Variants in PTPRD observed in about 807,000 individuals in gnomAD.
The protein encoded by PTPRD is protein tyrosine phosphatase receptor type D, also known as receptor-type tyrosine-protein phosphatase delta.
Under a neutral mutation model 214.5 loss-of-function variants are expected in PTPRD, and 34 were observed. That is an observed-to-expected ratio of 0.16 (90% confidence interval 0.12 to 0.21). The LOEUF (loss-of-function observed/expected upper bound fraction) is 0.21. PTPRD is among the 10% of genes least tolerant of loss of function. The pLI, the probability that PTPRD is intolerant of heterozygous loss-of-function variation, is 1.00. For synonymous variants in PTPRD, 1,128 were observed against 845.7 expected (o/e 1.33, Z -5.79); for missense variants, 2,545 against 2,398.7 (o/e 1.06, Z -1.27).
chr9:9,774,410 T>C (rs1327083286), intron 5 of PTPRD, among the ~76,000 whole-genome samples: 2 of 152,158 alleles, frequency 1.3e-5, no homozygotes, highest in Admixed American at 6.5e-5. Context: ...ACACAGTGGA[T>C]AGGGTGATGA....
At chr9:10,527,898 A>G (rs2054811783) in intron 2 of PTPRD, among the ~76,000 whole-genome samples, 1 of 152,194 alleles carries the variant, frequency 6.6e-6, no homozygotes, top group Admixed American at 6.5e-5. Flanking sequence ...TGTGGCTTTC[A>G]AGTGAATTAC....
intron 5 of PTPRD, among the ~76,000 whole-genome samples, chr9:9,777,167 C>G (rs1283242889): frequency 6.6e-6 from 1 of 152,132 alleles, no homozygotes; most frequent in Non-Finnish European, 1.5e-5. Flanking sequence ...TACCTCTGGT[C>G]CTCAGATGTT....
chr9:9,795,669 T>C (rs542316205), intron 5 of PTPRD, among the ~76,000 whole-genome samples: 2 of 152,308 alleles, frequency 1.3e-5, no homozygotes, highest in East Asian at 1.9e-4. Context: ...TAGATTTGAT[T>C]AGTATTTCTT....
chr9:9,296,950 T>C (rs1953289022), intron 9 of PTPRD, among the ~76,000 whole-genome samples: 1 of 151,814 alleles, frequency 6.6e-6, no homozygotes, highest in Non-Finnish European at 1.5e-5. Flanking sequence ...TGTTAAGATC[T>C]GAAATCTGGG....
At chr9:8,340,841 T>G (rs1270018906) in intron 41 of PTPRD, among the ~76,000 whole-genome samples, 1 of 152,110 alleles carries the variant, frequency 6.6e-6, no homozygotes, top group Non-Finnish European at 1.5e-5. Context: ...ACAAAACAGA[T>G]TCTTTATTAA....
chr9:8,318,662 A>T (rs1824066690), intron 45 of PTPRD, among the ~76,000 whole-genome samples: 1 of 152,000 alleles, frequency 6.6e-6, no homozygotes, highest in South Asian at 2.1e-4. Context: ...CCACATCAAA[A>T]AATACCTGTA....
intron 5 of PTPRD, among the ~76,000 whole-genome samples, chr9:9,855,995 G>A: frequency 6.6e-6 from 1 of 152,196 alleles, no homozygotes; most frequent in East Asian, 1.9e-4. Flanking sequence ...CAGCATCCAG[G>A]AAAAATGAGA....
chr9:9,230,739 G>C (rs996519624), intron 9 of PTPRD, among the ~76,000 whole-genome samples: 2 of 152,074 alleles, frequency 1.3e-5, no homozygotes, highest in African/African-American at 4.8e-5. Flanking sequence ...GAGAAACAGT[G>C]TTTCTCCAGA....
chr9:10,010,936 G>C (rs1441815557), intron 4 of PTPRD, among the ~76,000 whole-genome samples: 1 of 151,790 alleles, frequency 6.6e-6, no homozygotes, highest in Non-Finnish European at 1.5e-5. Context: ...AGTGTTATCA[G>C]GAAAATTAGA....
chr9:9,967,473 A>G (rs2154032919), intron 4 of PTPRD, among the ~76,000 whole-genome samples: 1 of 152,308 alleles, frequency 6.6e-6, no homozygotes, highest in African/African-American at 2.4e-5. Context: ...GAGGGAAGGA[A>G]GAAAACATTT....
intron 20 of PTPRD, 146 bp downstream of exon 20, chr9:8,521,131 A>G: frequency 1.0e-6 from 1 of 981,776 alleles, no homozygotes; most frequent in Non-Finnish European, 1.5e-6. Context: ...CATGTTATAT[A>G]ATACCACAGA....
At chr9:9,684,143 G>C (rs1236920357) in intron 7 of PTPRD, among the ~76,000 whole-genome samples, 1 of 151,428 alleles carries the variant, frequency 6.6e-6, no homozygotes, top group East Asian at 1.9e-4. Context: ...GAACACATAA[G>C]ATCATATTAG....
chr9:9,949,224 T>C (rs903696818), intron 4 of PTPRD, among the ~76,000 whole-genome samples: 1 of 152,118 alleles, frequency 6.6e-6, no homozygotes, highest in Non-Finnish European at 1.5e-5. Context: ...TTTTATATTT[T>C]CCACAAAATG....
At chr9:8,589,895 A>G (rs1428666831) in intron 14 of PTPRD, among the ~76,000 whole-genome samples, 1 of 152,170 alleles carries the variant, frequency 6.6e-6, no homozygotes, top group Non-Finnish European at 1.5e-5. Context: ...ATATTTGCAA[A>G]TTTGGAAAAT....
chr9:8,684,930 A>T (rs1444763226), intron 12 of PTPRD, among the ~76,000 whole-genome samples: 1 of 152,186 alleles, frequency 6.6e-6, no homozygotes, highest in Non-Finnish European at 1.5e-5. Context: ...CTAGAGAGAG[A>T]AAAAACAGTG....
chr9:10,109,590 T>C (rs1376723803), intron 3 of PTPRD, among the ~76,000 whole-genome samples: 1 of 152,218 alleles, frequency 6.6e-6, no homozygotes, highest in Non-Finnish European at 1.5e-5. Flanking sequence ...TCAGATTTTC[T>C]ACTAAGGTGC....
intron 3 of PTPRD, among the ~76,000 whole-genome samples, chr9:10,208,559 G>C (rs1251729178): frequency 6.6e-6 from 1 of 152,144 alleles, no homozygotes; most frequent in Non-Finnish European, 1.5e-5. Flanking sequence ...CAGAAACTCT[G>C]AACACATAAA....
At chr9:8,520,683 G>T (rs879658987) in intron 20 of PTPRD, among the ~76,000 whole-genome samples, 8 of 151,842 alleles carry the variant, frequency 5.3e-5, no homozygotes, top group Non-Finnish European at 8.8e-5. Flanking sequence ...ATAGTACTTT[G>T]GTTATATTTA....
At chr9:9,478,724 T>C (rs1589441481) in intron 8 of PTPRD, among the ~76,000 whole-genome samples, 1 of 152,220 alleles carries the variant, frequency 6.6e-6, no homozygotes. Flanking sequence ...TTTTTAAAAA[T>C]TTGATGCTCA....
Sources: gnomAD v4.1 joint callset for allele counts (sites outside exome capture counted in the v4.1 genomes callset) on GRCh38, gnomAD v4.1.1 for gene constraint, MANE v1.5 for transcripts, NCBI Gene and HGNC (gene_info 2026-07-23, HGNC 2026-07-21) for gene names.